SGK3: variants seen among roughly 807,000 people sequenced by gnomAD.
SGK3 encodes serum/glucocorticoid regulated kinase family member 3.
SGK3 carries 47 observed loss-of-function variants against 68.5 expected under a neutral mutation model. The ratio of observed to expected loss-of-function variants is 0.69; its 90% CI spans 0.54 to 0.87. The LOEUF (loss-of-function observed/expected upper bound fraction) is 0.87, where lower values mean the gene tolerates loss of function less well. SGK3 is among the 40% of genes least tolerant of loss of function. The pLI, the probability that SGK3 is intolerant of heterozygous loss-of-function variation, is 0.00. For missense variants in SGK3, 479 were observed against 575.5 expected (o/e 0.83, Z 1.72); for synonymous variants, 181 against 189.1 (o/e 0.96, Z 0.35).
intron 3 of SGK3, among the ~76,000 whole-genome samples, chr8:66,801,504 C>T (rs1427255079): frequency 6.6e-6 from 1 of 152,100 alleles, no homozygotes; most frequent in Non-Finnish European, 1.5e-5. Flanking sequence ...TTTTGAAACT[C>T]TTGAATACCC....
intron 4 of SGK3, among the ~76,000 whole-genome samples, chr8:66,810,585 C>T (rs768277559): frequency 4.6e-5 from 7 of 152,138 alleles, no homozygotes; most frequent in Admixed American, 6.5e-5. Context: ...CCTGTAATCC[C>T]GGCTACTCTG....
chr8:66,729,733 A>T (rs1027722545), intron 1 of SGK3, among the ~76,000 whole-genome samples: 18 of 130,704 alleles, frequency 1.4e-4, no homozygotes, highest in Admixed American at 2.9e-4. Context: ...TTATTTATTT[A>T]TTTTTATTTA....
intron 1 of SGK3, among the ~76,000 whole-genome samples, chr8:66,736,424 C>G (rs1805316461): frequency 6.6e-6 from 1 of 151,894 alleles, no homozygotes; most frequent in Non-Finnish European, 1.5e-5. Context: ...ATTTTTGTAA[C>G]AAAGTTGGTG....
intron 1 of SGK3, among the ~76,000 whole-genome samples, chr8:66,740,961 T>G (rs1003323135): frequency 6.6e-6 from 1 of 150,694 alleles, no homozygotes; most frequent in Non-Finnish European, 1.5e-5. Context: ...AGGAAAAAAT[T>G]TCCCCCATTC....
At chr8:66,837,307 C>A (rs1809578021) in intron 10 of SGK3, among the ~76,000 whole-genome samples, 1 of 152,132 alleles carries the variant, frequency 6.6e-6, no homozygotes, top group Non-Finnish European at 1.5e-5. Context: ...ACAAAGGGAT[C>A]TTTCATTCCC....
intron 8 of SGK3, among the ~76,000 whole-genome samples, chr8:66,833,423 C>G (rs929182417): frequency 6.6e-6 from 1 of 152,210 alleles, no homozygotes; most frequent in East Asian, 1.9e-4. Context: ...ACACCTGTAG[C>G]TTGATATCTA....
At chr8:66,793,896 T>G in intron 2 of SGK3, 64 bp downstream of exon 2, 3 of 1,536,214 alleles carry the variant, frequency 2.0e-6, no homozygotes, top group Non-Finnish European at 2.7e-6. Context: ...TCATTTCTGC[T>G]TTTCTTCTCC....
At chr8:66,755,030 G>T (rs1805931952) in intron 1 of SGK3, among the ~76,000 whole-genome samples, 1 of 152,100 alleles carries the variant, frequency 6.6e-6, no homozygotes, top group African/African-American at 2.4e-5. Context: ...AGGCGGAAGC[G>T]GGTGGATCAC....
intron 10 of SGK3, 42 bp from the exon 11 acceptor site, chr8:66,839,961 C>T: frequency 2.6e-6 from 4 of 1,558,264 alleles, no homozygotes; most frequent in Non-Finnish European, 3.5e-6. Flanking sequence ...GTGAATGATC[C>T]TAACATTCTC....
chr8:66,770,144 T>C (rs1441988110), intron 1 of SGK3, among the ~76,000 whole-genome samples: 1 of 151,658 alleles, frequency 6.6e-6, no homozygotes, highest in Non-Finnish European at 1.5e-5. Context: ...TTAGTAGAGA[T>C]GGAGTTTCCC....
chr8:66,796,247 C>T (rs952395444), intron 2 of SGK3, among the ~76,000 whole-genome samples: 2 of 151,458 alleles, frequency 1.3e-5, no homozygotes, highest in Non-Finnish European at 2.9e-5. Flanking sequence ...GGCTATTGTC[C>T]TGCCTCAGCC....
intron 1 of SGK3, among the ~76,000 whole-genome samples, chr8:66,759,753 C>A (rs1363344975): frequency 2.6e-5 from 4 of 152,108 alleles, no homozygotes; most frequent in Admixed American, 2.6e-4. Context: ...AGCTCCGCCT[C>A]CTGGGTTCAC....
intron 1 of SGK3, among the ~76,000 whole-genome samples, chr8:66,723,499 A>C (rs978040352): frequency 6.6e-6 from 1 of 152,102 alleles, no homozygotes; most frequent in African/African-American, 2.4e-5. Flanking sequence ...GCTGGAGTGC[A>C]GTGGTGCAAT....
At chr8:66,851,232 C>T (rs1005685096) in intron 16 of SGK3, among the ~76,000 whole-genome samples, 1 of 152,138 alleles carries the variant, frequency 6.6e-6, no homozygotes, top group Non-Finnish European at 1.5e-5. Context: ...AATCCCAGCA[C>T]TTTAGGAGGC....
intron 1 of SGK3, among the ~76,000 whole-genome samples, chr8:66,747,604 C>T (rs1019248405): frequency 2.6e-5 from 4 of 152,050 alleles, no homozygotes; most frequent in Admixed American, 6.6e-5. Context: ...GCCACTCAGG[C>T]GAGAGTGCAG....
intron 1 of SGK3, among the ~76,000 whole-genome samples, chr8:66,725,183 C>T (rs866862632): frequency 2.7e-4 from 41 of 151,698 alleles, no homozygotes; most frequent in African/African-American, 9.9e-4. Flanking sequence ...GAGCCGAGAT[C>T]GTGACACTGC....
intron 1 of SGK3, among the ~76,000 whole-genome samples, chr8:66,787,067 C>A (rs1807239599): frequency 6.6e-6 from 1 of 151,632 alleles, no homozygotes; most frequent in Non-Finnish European, 1.5e-5. Context: ...CCTCAGCCCT[C>A]CGAGTAGCTG....
At chr8:66,766,251 G>A (rs867434065) in intron 1 of SGK3, among the ~76,000 whole-genome samples, 1 of 152,014 alleles carries the variant, frequency 6.6e-6, no homozygotes, top group African/African-American at 2.4e-5. Context: ...GGCCGGGTGT[G>A]GTGGCTCACA....
intron 1 of SGK3, among the ~76,000 whole-genome samples, chr8:66,730,713 A>G (rs1365366778): frequency 6.7e-6 from 1 of 149,332 alleles, no homozygotes; most frequent in Non-Finnish European, 1.5e-5. Flanking sequence ...TTGTTTTGAG[A>G]CAGTCTCGCT....
Sources: allele counts gnomAD v4.1 joint callset (sites outside exome capture counted in the v4.1 genomes callset), GRCh38; gene constraint gnomAD v4.1.1; transcripts MANE v1.5; gene names NCBI Gene and HGNC (gene_info 2026-07-23, HGNC 2026-07-21).